Variants in RALGAPB observed in about 807,000 individuals in gnomAD.
RALGAPB encodes Ral GTPase activating protein non-catalytic subunit beta, also known as ral GTPase-activating protein subunit beta.
A neutral mutation model predicts 161.1 loss-of-function variants in RALGAPB; 25 were observed. The observed-to-expected ratio is 0.16, with a 90% confidence interval of 0.11 to 0.22. RALGAPB has a LOEUF of 0.22. Among genes scored for constraint, RALGAPB ranks in the 10% least tolerant of loss-of-function variants. The pLI is 1.00. For missense variants in RALGAPB, 1,391 were observed against 1,815.2 expected (o/e 0.77, Z 4.25); for synonymous variants, 629 against 626.1 (o/e 1.00, Z -0.07).
intron 5 of RALGAPB, among the ~76,000 whole-genome samples, chr20:38,503,678 A>C (rs557212340): frequency 6.6e-6 from 1 of 152,358 alleles, no homozygotes; most frequent in East Asian, 1.9e-4. Flanking sequence ...TGGTAAAGTA[A>C]TGGCAGAGTT....
At chr20:38,478,429 C>CT (rs202094719) in intron 1 of RALGAPB, among the ~76,000 whole-genome samples, 2,250 of 150,938 alleles carry the variant, frequency 0.015, 25 homozygotes, top group South Asian at 0.053. Flanking sequence ...AGTAGTTTTT[C>CT]TTTTTTTTTG....
chr20:38,514,773 G>C (rs1302791645), intron 6 of RALGAPB, among the ~76,000 whole-genome samples: 1 of 152,210 alleles, frequency 6.6e-6, no homozygotes, highest in African/African-American at 2.4e-5. Context: ...GCCCCATCTG[G>C]AGATTGTTTC....
In RALGAPB at chr20:38,578,063, A is replaced by T. The variant is rs1046661782; in HGVS notation, c.*3096A>T. 1.3e-5 allele frequency: 2 copies of T among 152,102 alleles called. No homozygotes were observed. The highest frequency in any genetic ancestry group is 6.5e-5 in the Admixed American group (1 of 15,276). 9.4% of individuals were successfully genotyped at this position (152,102 alleles called of 1,614,324 possible). On this transcript the variant is annotated 3_prime_UTR_variant, in exon 30 of 30. Transcript: ENST00000262879. ...AGGTGGTAAAAATAAATAAATAAATAAATAATAAAAAAAGAAACATGTATT... is the reference window on the plus strand; with the variant it reads ...AGGTGGTAAAAATAAATAAATAAATTAATAATAAAAAAAGAAACATGTATT...
chr20:38,474,541 A>C, intron 1 of RALGAPB, among the ~76,000 whole-genome samples: 1 of 152,084 alleles, frequency 6.6e-6, no homozygotes, highest in East Asian at 1.9e-4. Flanking sequence ...GGTCTGCCAT[A>C]GTGGTGGGAT....
intron 1 of RALGAPB, among the ~76,000 whole-genome samples, chr20:38,487,145 G>A (rs1169677561): frequency 6.6e-6 from 1 of 152,218 alleles, no homozygotes; most frequent in Non-Finnish European, 1.5e-5. Context: ...GCAGGGAATG[G>A]CAGTTCAGTC....
intron 4 of RALGAPB, 106 bp downstream of exon 4, chr20:38,497,622 G>T: frequency 8.1e-7 from 1 of 1,237,640 alleles, no homozygotes; most frequent in Non-Finnish European, 1.1e-6. Flanking sequence ...TTGGCATGAT[G>T]GTTTACAAAC....
chr20:38,555,402 G>T (rs1271711915), intron 22 of RALGAPB, among the ~76,000 whole-genome samples: 1 of 151,834 alleles, frequency 6.6e-6, no homozygotes, highest in Admixed American at 6.6e-5. Flanking sequence ...TATTTTTTTT[G>T]TAGAAAATTG....
At chr20:38,536,497 A>G (rs959716815) in intron 16 of RALGAPB, among the ~76,000 whole-genome samples, 3 of 152,192 alleles carry the variant, frequency 2.0e-5, no homozygotes, top group African/African-American at 7.2e-5. Context: ...TAGGAGCAGA[A>G]TTACTGGGTC....
intron 13 of RALGAPB, among the ~76,000 whole-genome samples, chr20:38,530,891 ATT>A (rs35946110): frequency 7.1e-6 from 1 of 141,238 alleles, no homozygotes; most frequent in African/African-American, 2.7e-5. Context: ...GTGCCTGGCC[ATT>A]TTTTTTTTTT....
chr20:38,493,130 A>G lies in RALGAPB; in HGVS notation c.387A>G (p.Pro129=). The G allele has an allele frequency of 6.3e-7, 1 of 1,592,302 alleles. No homozygotes were observed. Residue 129 remains proline (P), a splice_region_variant and synonymous_variant, in exon 3 of 30, where the codon CCA becomes CCG. Coordinates refer to ENST00000262879, the MANE Select transcript of RALGAPB (RefSeq NM_020336.4). ...AACACCTACAGAATCTTTTTGTACC[A>G]AGGTAAGCTATACCTGTCTATCTGG... ...ILKHLQNLFV[P]RQEQGSSQIR...
At chr20:38,509,315 C>A (rs984579930) in intron 6 of RALGAPB, 107 bp downstream of exon 6, 19 of 1,225,352 alleles carry the variant, frequency 1.6e-5, no homozygotes, top group Non-Finnish European at 2.1e-5. Context: ...CACTAAGCCC[C>A]ATTCATCAAA....
rs373643519 is a variant in RALGAPB, at chr20:38,564,115, T to A, written c.3698-1244T>A. Among the ~76,000 whole-genome samples the A allele has an allele frequency of 2.7e-4, 41 of 152,322 alleles. No homozygotes were observed. In the South Asian group the frequency reaches 8.3e-3, roughly 31 times the overall value. On this transcript the variant is annotated intron_variant, in intron 24 of 29. Coordinates refer to ENST00000262879, the MANE Select transcript of RALGAPB (RefSeq NM_020336.4). ...AGTCCCACCTGCACATTTTGCCTGC[T>A]GCAGAATAGGGGTGGATAGAGTGGC...
chr20:38,518,918 A>G (rs1196703586), intron 9 of RALGAPB, among the ~76,000 whole-genome samples: 1 of 152,220 alleles, frequency 6.6e-6, no homozygotes, highest in Non-Finnish European at 1.5e-5. Flanking sequence ...AAACTAATAC[A>G]ATGACCAGAA....
intron 9 of RALGAPB, among the ~76,000 whole-genome samples, chr20:38,518,333 AG>A (rs1228545316): frequency 6.6e-6 from 1 of 152,216 alleles, no homozygotes; most frequent in East Asian, 1.9e-4. Context: ...ATTTATATAA[AG>A]AATTAAAAAT....
intron 1 of RALGAPB, among the ~76,000 whole-genome samples, chr20:38,478,894 G>T (rs2084883929): frequency 6.6e-6 from 1 of 152,144 alleles, no homozygotes; most frequent in Non-Finnish European, 1.5e-5. Flanking sequence ...GGGATTACAG[G>T]CATGAGCCAC....
intron 20 of RALGAPB, among the ~76,000 whole-genome samples, chr20:38,550,295 A>G (rs2087332689): frequency 6.6e-6 from 1 of 152,250 alleles, no homozygotes; most frequent in Admixed American, 6.5e-5. Flanking sequence ...AAAGTATCAT[A>G]ATAAAAAAAT....
Position 38,565,451 on chromosome 20 carries a change from G to A in RALGAPB, c.3790G>A (p.Val1264Met). 1 of 1,613,624 alleles carries A rather than the reference G, an allele frequency of 6.2e-7. No individual in the cohort carries two copies. Among genetic ancestry groups the A allele is most frequent in the Non-Finnish European group, 8.5e-7 (1 of 1,179,684 alleles). ...YADALTEIAF[V>M]VPSPVESLTD... ...TGATGCCCTTACAGAAATTGCTTTTGTGGTTCCTTCTCCTGTGGAGTCCTT... is the reference window on the plus strand; with the variant it reads ...TGATGCCCTTACAGAAATTGCTTTTATGGTTCCTTCTCCTGTGGAGTCCTT... Residue 1264 changes from valine (V) to methionine (M), a missense_variant, in exon 25 of 30, where the codon GTG becomes ATG. Coordinates refer to ENST00000262879, the MANE Select transcript of RALGAPB (RefSeq NM_020336.4).
chr20:38,496,120 C>T (rs2085420726), intron 3 of RALGAPB, among the ~76,000 whole-genome samples: 1 of 152,118 alleles, frequency 6.6e-6, no homozygotes, highest in South Asian at 2.1e-4. Context: ...TTTACTAGAT[C>T]CACCTTTAGC....
intron 1 of RALGAPB, among the ~76,000 whole-genome samples, chr20:38,483,875 A>T (rs964432863): frequency 6.6e-6 from 1 of 152,136 alleles, no homozygotes; most frequent in Non-Finnish European, 1.5e-5. Flanking sequence ...CAACAGCAAG[A>T]GGAGGTTCTT....
Sources: gnomAD v4.1 joint callset for allele counts (sites outside exome capture counted in the v4.1 genomes callset) on GRCh38, gnomAD v4.1.1 for gene constraint, MANE v1.5 for transcripts, NCBI Gene and HGNC (gene_info 2026-07-23, HGNC 2026-07-21) for gene names.